PDE11A: variants seen among roughly 807,000 people sequenced by gnomAD.
PDE11A encodes dual 3',5'-cyclic-AMP and -GMP phosphodiesterase 11A.
A neutral mutation model predicts 100.5 loss-of-function variants in PDE11A; 100 were observed. That is an observed-to-expected ratio of 1.00 (90% CI 0.85 to 1.18). The LOEUF (loss-of-function observed/expected upper bound fraction) is 1.18. Ranked by LOEUF, PDE11A falls within the 50% of genes most tolerant of loss-of-function variation. The pLI is 0.00. For synonymous variants in PDE11A, 381 were observed against 420.8 expected (o/e 0.91, Z 1.16); for missense variants, 1,141 against 1,152.6 (o/e 0.99, Z 0.15).
At chr2:177,893,757 C>G (rs992721590) in intron 4 of PDE11A, among the ~76,000 whole-genome samples, 3 of 151,954 alleles carry the variant, frequency 2.0e-5, no homozygotes, top group Admixed American at 6.5e-5. Flanking sequence ...AAGCATCCTG[C>G]TAGTGATATG....
At chr2:177,947,046 C>G (rs1415105298) in intron 2 of PDE11A, among the ~76,000 whole-genome samples, 1 of 107,350 alleles carries the variant, frequency 9.3e-6, no homozygotes, top group African/African-American at 3.5e-5. Flanking sequence ...CCAGCCGCCC[C>G]GTCCGGGAGG....
At chr2:177,852,551 C>T (rs892248947) in intron 5 of PDE11A, among the ~76,000 whole-genome samples, 12 of 152,054 alleles carry the variant, frequency 7.9e-5, no homozygotes, top group African/African-American at 2.2e-4. Context: ...CTGTGCAATG[C>T]TTTTTGAAGT....
At chr2:177,960,568 C>T (rs946742844) in intron 2 of PDE11A, among the ~76,000 whole-genome samples, 2 of 151,624 alleles carry the variant, frequency 1.3e-5, no homozygotes, top group African/African-American at 4.9e-5. Flanking sequence ...CCAGGCTGCC[C>T]ACACGAGAGA....
At chr2:178,020,537 A>G (rs2086394388) in intron 1 of PDE11A, among the ~76,000 whole-genome samples, 1 of 152,220 alleles carries the variant, frequency 6.6e-6, no homozygotes, top group South Asian at 2.1e-4. Flanking sequence ...CATGCCTGTA[A>G]TGCCAGCACT....
chr2:177,793,727 C>T (rs532072218), intron 9 of PDE11A, among the ~76,000 whole-genome samples: 1 of 152,106 alleles, frequency 6.6e-6, no homozygotes, highest in South Asian at 2.1e-4. Flanking sequence ...AGGCTGCTTC[C>T]CTCTGCTTGT....
chr2:178,006,932 T>TCTGC (rs2086220015), intron 2 of PDE11A, among the ~76,000 whole-genome samples: 2 of 152,222 alleles, frequency 1.3e-5, no homozygotes, highest in Admixed American at 1.3e-4. Context: ...TACATTTCTT[T>TCTGC]CTGCCTCTGT....
At chr2:177,916,131 C>A (rs2084950116) in intron 2 of PDE11A, among the ~76,000 whole-genome samples, 1 of 152,186 alleles carries the variant, frequency 6.6e-6, no homozygotes, top group African/African-American at 2.4e-5. Flanking sequence ...ACGTTTCTGA[C>A]ACTCATGTTC....
intron 2 of PDE11A, among the ~76,000 whole-genome samples, chr2:177,984,899 C>T (rs1290931837): frequency 6.6e-6 from 1 of 152,204 alleles, no homozygotes; most frequent in Admixed American, 6.5e-5. Flanking sequence ...GGTTAACAGC[C>T]ACAGTGCCTG....
At chr2:178,046,164 C>T (rs1247698431) in intron 1 of PDE11A, among the ~76,000 whole-genome samples, 1 of 152,200 alleles carries the variant, frequency 6.6e-6, no homozygotes, top group Non-Finnish European at 1.5e-5. Context: ...GTGCCTACTG[C>T]ATAACATATT....
At chr2:177,885,810 T>C (rs2084421454) in intron 4 of PDE11A, among the ~76,000 whole-genome samples, 1 of 152,092 alleles carries the variant, frequency 6.6e-6, no homozygotes, top group Non-Finnish European at 1.5e-5. Context: ...TGTATGTACA[T>C]TTACATAAGG....
intron 2 of PDE11A, among the ~76,000 whole-genome samples, chr2:177,992,074 CT>C (rs1437207296): frequency 2.0e-5 from 3 of 150,862 alleles, no homozygotes; most frequent in Non-Finnish European, 4.4e-5. Flanking sequence ...TATATTACTG[CT>C]TTTTTTTCTA....
intron 5 of PDE11A, among the ~76,000 whole-genome samples, chr2:177,861,821 A>G (rs1047183046): frequency 1.3e-5 from 2 of 151,900 alleles, no homozygotes; most frequent in African/African-American, 4.8e-5. Context: ...ATTGGGAAGG[A>G]ATAGTCTTTT....
intron 1 of PDE11A, among the ~76,000 whole-genome samples, chr2:178,042,810 AAAACAAAC>A (rs138042980): frequency 6.6e-5 from 10 of 151,622 alleles, no homozygotes; most frequent in East Asian, 2.0e-4. Flanking sequence ...ACAGAAGTTA[AAAACAAAC>A]AAACAAACAA....
chr2:178,055,686 T>C (rs1343840093), intron 1 of PDE11A, among the ~76,000 whole-genome samples: 1 of 152,080 alleles, frequency 6.6e-6, no homozygotes, highest in Non-Finnish European at 1.5e-5. Flanking sequence ...ATTATTTTAC[T>C]ATATACTTCT....
At chr2:178,087,617 C>T (rs2087375610) in intron 2 of PDE11A, among the ~76,000 whole-genome samples, 1 of 152,232 alleles carries the variant, frequency 6.6e-6, no homozygotes, top group Non-Finnish European at 1.5e-5. Flanking sequence ...TGAGAGATTA[C>T]TTAATGGGTA....
intron 5 of PDE11A, among the ~76,000 whole-genome samples, chr2:177,843,327 C>T (rs762616032): frequency 1.3e-5 from 2 of 152,048 alleles, no homozygotes; most frequent in African/African-American, 2.4e-5. Flanking sequence ...TAATGGATAG[C>T]GTTATAGCAA....
At chr2:177,839,062 G>A (rs1022017848) in intron 6 of PDE11A, among the ~76,000 whole-genome samples, 3 of 152,138 alleles carry the variant, frequency 2.0e-5, no homozygotes, top group African/African-American at 7.2e-5. Context: ...GAGAGTTCTA[G>A]GCAGCTACAG....
intron 9 of PDE11A, among the ~76,000 whole-genome samples, chr2:177,782,185 T>G (rs1167802752): frequency 6.6e-6 from 1 of 152,186 alleles, no homozygotes; most frequent in Non-Finnish European, 1.5e-5. Flanking sequence ...ATAACATATC[T>G]TGTATTATAT....
chr2:177,883,150 T>G (rs1213559465), intron 4 of PDE11A, among the ~76,000 whole-genome samples: 1 of 151,576 alleles, frequency 6.6e-6, no homozygotes, highest in African/African-American at 2.4e-5. Flanking sequence ...GCACCTGTAA[T>G]CCCAGCTACT....
Sources: allele counts gnomAD v4.1 joint callset (sites outside exome capture counted in the v4.1 genomes callset), GRCh38; gene constraint gnomAD v4.1.1; transcripts MANE v1.5; gene names NCBI Gene and HGNC (gene_info 2026-07-23, HGNC 2026-07-21).